FREM2: variants seen among roughly 807,000 people sequenced by gnomAD.
FREM2 encodes the protein FRAS1-related extracellular matrix protein 2.
A neutral mutation model predicts 219.9 loss-of-function variants in FREM2; 119 were observed. The observed-to-expected ratio is 0.54, with a 90% CI of 0.47 to 0.63. The LOEUF (loss-of-function observed/expected upper bound fraction) is 0.63. Ranked by LOEUF, FREM2 falls within the 30% of genes least tolerant of loss-of-function variation. FREM2 has a pLI of 0.00. For synonymous variants in FREM2, 1,562 were observed against 1,522.8 expected, an observed-to-expected ratio of 1.03 and a Z score of -0.60; for missense variants, 4,030 against 3,993.6, an observed-to-expected ratio of 1.01 and a Z score of -0.25.
At chr13:38,829,996 A>G (rs1266531265) in intron 6 of FREM2, among the ~76,000 whole-genome samples, 4 of 152,130 alleles carry the variant, frequency 2.6e-5, no homozygotes, top group African/African-American at 9.7e-5. Context: ...AATTACATAT[A>G]TTATCTCTGC....
intron 6 of FREM2, among the ~76,000 whole-genome samples, chr13:38,806,534 A>G (rs575968354): frequency 2.0e-5 from 3 of 151,594 alleles, no homozygotes; most frequent in Non-Finnish European, 2.9e-5. Flanking sequence ...TAGTCTATTA[A>G]GTATGCAATA....
rs1593350075 is a variant in FREM2 at position 38,697,750 on chromosome 13, C to T, written c.5226C>T (p.Ala1742=). 2 of 1,610,210 alleles carry T rather than the reference C, an allele frequency of 1.2e-6. No individual in the cohort carries two copies. The highest frequency in any genetic ancestry group is 2.2e-5 in the East Asian group (1 of 44,852). ...ICYVLREGAN[A]TSDMFYFAVE... ...ATGTCTTAAGAGAAGGGGCTAATGCCACAAGTGATATGTTCTATTTTGCAG... is the reference window on the plus strand; with the variant it reads ...ATGTCTTAAGAGAAGGGGCTAATGCTACAAGTGATATGTTCTATTTTGCAG... The change falls in exon 2 of 24, where the codon GCC becomes GCT. Residue 1742 remains alanine, a synonymous_variant. Transcript: ENST00000280481.
At chr13:38,742,242 A>AT (rs1298231609) in intron 2 of FREM2, among the ~76,000 whole-genome samples, 1 of 152,256 alleles carries the variant, frequency 6.6e-6, no homozygotes, top group Admixed American at 6.5e-5. Flanking sequence ...CAAGGGTTGT[A>AT]TAAAAATATG....
chr13:38,742,960 G>A (rs1159881763), intron 2 of FREM2, among the ~76,000 whole-genome samples: 1 of 152,192 alleles, frequency 6.6e-6, no homozygotes, highest in Non-Finnish European at 1.5e-5. Context: ...CATTGAACTA[G>A]GACAATAATA....
At chr13:38,819,088 G>T (rs11618089) in intron 6 of FREM2, among the ~76,000 whole-genome samples, 1 of 152,012 alleles carries the variant, frequency 6.6e-6, no homozygotes, top group South Asian at 2.1e-4. Flanking sequence ...AAAGAAGAAG[G>T]CAAATGAGCA....
intron 6 of FREM2, among the ~76,000 whole-genome samples, chr13:38,818,153 C>T (rs1875843973): frequency 6.6e-6 from 1 of 152,062 alleles, no homozygotes; most frequent in African/African-American, 2.4e-5. Context: ...AAATAGGATT[C>T]CCATATTATT....
chr13:38,775,482 A>G (rs1873836811), intron 4 of FREM2, among the ~76,000 whole-genome samples: 1 of 152,102 alleles, frequency 6.6e-6, no homozygotes, highest in Non-Finnish European at 1.5e-5. Context: ...TATAGCACAT[A>G]GTTTCTGACA....
At chr13:38,714,638 T>C (rs1870915155) in intron 2 of FREM2, among the ~76,000 whole-genome samples, 1 of 152,186 alleles carries the variant, frequency 6.6e-6, no homozygotes, top group Admixed American at 6.5e-5. Flanking sequence ...GCAATGCAAA[T>C]GTTAATCAGC....
In FREM2 at chr13:38,689,213, A is replaced by G. The variant is rs1175509236; in HGVS notation, c.1869A>G (p.Glu623=). ...CTCACCCTCCCCATGAGAAGCAGGA[A>G]CTTCTCAGAGGCCTTTGGAGGAAGG... is the stretch of plus-strand genomic sequence containing the variant. ...RQTHPPHEKQ[E]LLRGLWRKEG... Residue 623 remains glutamate, a synonymous_variant, in exon 1 of 24, where the codon GAA becomes GAG. Coordinates refer to ENST00000280481, the MANE Select transcript of FREM2 (RefSeq NM_207361.6). 1 of 1,613,954 alleles carries G rather than the reference A, an allele frequency of 6.2e-7. No individual in the cohort carries two copies. Among genetic ancestry groups the G allele is most frequent in the Non-Finnish European group, 8.5e-7 (1 of 1,179,926 alleles).
At chr13:38,697,347 C>T (rs1240822635) in intron 1 of FREM2, among the ~76,000 whole-genome samples, 1 of 152,190 alleles carries the variant, frequency 6.6e-6, no homozygotes, top group Non-Finnish European at 1.5e-5. Flanking sequence ...GGAAATCTGC[C>T]ATGCCTCAAA....
chr13:38,812,256 C>T (rs954624907), intron 6 of FREM2, among the ~76,000 whole-genome samples: 1 of 152,000 alleles, frequency 6.6e-6, no homozygotes, highest in African/African-American at 2.4e-5. Context: ...TTCAGCCAGT[C>T]TATGTCTTTT....
intron 1 of FREM2, among the ~76,000 whole-genome samples, chr13:38,694,487 G>A (rs1013547421): frequency 3.3e-5 from 5 of 152,140 alleles, no homozygotes; most frequent in African/African-American, 1.2e-4. Flanking sequence ...AGCTACCATG[G>A]CTCTTTTTCC....
At position 38,883,784 on chromosome 13, in the gene FREM2, A is replaced by G. The variant is rs891768524; in HGVS notation, c.*2997A>G. On this transcript the variant is annotated 3_prime_UTR_variant, in exon 24 of 24. Coordinates refer to ENST00000280481, the MANE Select transcript of FREM2 (RefSeq NM_207361.6). ...ACACAACAGTCATTATCTGTGAACC[A>G]TAATTTAAAAATCTTTCTAGAATAA... 3.3e-5 allele frequency: 5 copies of G among 152,210 alleles called. No individual in the cohort carries two copies. The highest frequency in any genetic ancestry group is 1.2e-4 in the African/African-American group (5 of 41,460). The allele number at this position is 152,210 out of a possible 1,614,324, so 9.4% of individuals were successfully genotyped here. A position where few individuals can be genotyped will look rare whatever the true frequency, so the allele number is the denominator to read the frequency against.
At chr13:38,876,204 C>T (rs963814549) in intron 19 of FREM2, 44 bp from the exon 20 acceptor site, 1 of 1,613,482 alleles carries the variant, frequency 6.2e-7, no homozygotes, top group Non-Finnish European at 8.5e-7. Context: ...TCTGATTACA[C>T]CTCAGATTTT....
chr13:38,757,170 T>TTGTGTACAAGA (rs1368506673), intron 2 of FREM2, among the ~76,000 whole-genome samples: 1 of 152,194 alleles, frequency 6.6e-6, no homozygotes, highest in Non-Finnish European at 1.5e-5. Context: ...CTTTGGAAAC[T>TTGTGTACAAGA]TGTGTACAAA....
intron 2 of FREM2, among the ~76,000 whole-genome samples, chr13:38,718,225 A>G (rs1871088443): frequency 6.6e-6 from 1 of 152,190 alleles, no homozygotes; most frequent in African/African-American, 2.4e-5. Context: ...ACCTTCTATA[A>G]CTTATTTTTA....
At chr13:38,786,119 A>G (rs1593407295) in intron 6 of FREM2, among the ~76,000 whole-genome samples, 1 of 152,188 alleles carries the variant, frequency 6.6e-6, no homozygotes, top group East Asian at 1.9e-4. Context: ...TGTTAACTAG[A>G]GTCACCCTAC....
chr13:38,801,321 C>A (rs1051298893), intron 6 of FREM2, among the ~76,000 whole-genome samples: 1 of 151,964 alleles, frequency 6.6e-6, no homozygotes, highest in Non-Finnish European at 1.5e-5. Flanking sequence ...ATTTTTAATT[C>A]TTTGGGATTT....
intron 2 of FREM2, among the ~76,000 whole-genome samples, chr13:38,725,333 G>T (rs1210886804): frequency 6.6e-6 from 1 of 152,086 alleles, no homozygotes; most frequent in African/African-American, 2.4e-5. Context: ...AACAGGTAAG[G>T]TTTTAGGTGG....
Sources: gnomAD v4.1 joint callset for allele counts (sites outside exome capture counted in the v4.1 genomes callset) on GRCh38, gnomAD v4.1.1 for gene constraint, MANE v1.5 for transcripts, NCBI Gene and HGNC (gene_info 2026-07-23, HGNC 2026-07-21) for gene names.